Variants in RETREG3 observed in about 807,000 individuals in gnomAD.
RETREG3 encodes reticulophagy regulator family member 3.
A neutral mutation model predicts 50.2 loss-of-function variants in RETREG3; 23 were observed. The observed-to-expected ratio is 0.46, with a 90% confidence interval of 0.33 to 0.65. The LOEUF (loss-of-function observed/expected upper bound fraction) is 0.65, where lower values mean the gene tolerates loss of function less well. Ranked by LOEUF, RETREG3 falls within the 30% of genes least tolerant of loss-of-function variation. The pLI is 0.02. For synonymous variants in RETREG3, 240 were observed against 234.4 expected (o/e 1.02, Z -0.22); for missense variants, 546 against 598.0 (o/e 0.91, Z 0.91).
rs1360098488 is a variant in RETREG3 at position 42,580,541 on chromosome 17, G to A, written c.*1272C>T. 1 of 152,686 alleles carries A rather than the reference G, an allele frequency of 6.5e-6. No homozygotes were observed. Among genetic ancestry groups the A allele is most frequent in the Non-Finnish European group, 1.5e-5 (1 of 68,062 alleles). The allele number at this position is 152,686 out of a possible 1,614,324, so 9.5% of individuals were successfully genotyped here. ...GAAGACTCAGACCTCAAAATACAGA[G>A]GTGCTCACTAATCCTCCCAGCCAGC... On this transcript the variant is annotated 3_prime_UTR_variant, in exon 9 of 9. Coordinates refer to ENST00000309428, the MANE Select transcript of RETREG3 (RefSeq NM_178126.4).
rs771368806 is a variant in RETREG3 at position 42,609,175 on chromosome 17, C to T, written c.150G>A (p.Glu50=). ...RALVEVLGPY[E]PLLSRVQAAL... is the part of the protein sequence containing the mutation. ...CTGCCTGCACCCGACTCAGCAGAGG[C>T]TCGTAAGGCCCCAGCACCTCCACCA... Residue 50 remains glutamate (E), a synonymous_variant, in exon 1 of 9, where the codon GAG becomes GAA. Coordinates refer to ENST00000309428, the MANE Select transcript of RETREG3 (RefSeq NM_178126.4). 1.2e-6 allele frequency: 2 copies of T among 1,610,166 alleles called. No individual in the cohort carries two copies. The highest frequency in any genetic ancestry group is 1.7e-6 in the Non-Finnish European group (2 of 1,179,878).
chr17:42,607,605 G>T (rs1311232392), intron 1 of RETREG3, among the ~76,000 whole-genome samples: 1 of 151,010 alleles, frequency 6.6e-6, no homozygotes, highest in Non-Finnish European at 1.5e-5. Context: ...GGGAGTTCGA[G>T]ACCAGCCTGA....
At chr17:42,591,884 G>A (rs1420314638) in intron 2 of RETREG3, among the ~76,000 whole-genome samples, 172 bp downstream of exon 2, 1 of 152,184 alleles carries the variant, frequency 6.6e-6, no homozygotes, top group Non-Finnish European at 1.5e-5. Context: ...CCAGCTCTAA[G>A]GAACCATAAT....
intron 1 of RETREG3, among the ~76,000 whole-genome samples, chr17:42,606,289 G>A (rs1396826874): frequency 6.6e-6 from 1 of 152,136 alleles, no homozygotes; most frequent in Non-Finnish European, 1.5e-5. Flanking sequence ...AGTCACAGCA[G>A]CTCTTTATGT....
intron 1 of RETREG3, among the ~76,000 whole-genome samples, chr17:42,592,784 T>A (rs2093135748): frequency 6.6e-6 from 1 of 152,104 alleles, no homozygotes; most frequent in African/African-American, 2.4e-5. Flanking sequence ...AAACTCCGTA[T>A]CTACCAAAAA....
intron 1 of RETREG3, among the ~76,000 whole-genome samples, chr17:42,606,079 G>T (rs1193519367): frequency 6.6e-6 from 1 of 150,824 alleles, no homozygotes; most frequent in African/African-American, 2.4e-5. Flanking sequence ...TGTAACAAGA[G>T]TAACTGTGTT....
chr17:42,593,377 T>C (rs1284975311), intron 1 of RETREG3, among the ~76,000 whole-genome samples: 2 of 151,878 alleles, frequency 1.3e-5, no homozygotes, highest in African/African-American at 4.8e-5. Flanking sequence ...AGGCCAGGCG[T>C]GGTGGTTCAA....
intron 1 of RETREG3, among the ~76,000 whole-genome samples, chr17:42,597,849 C>G (rs955983550): frequency 6.6e-6 from 1 of 150,644 alleles, no homozygotes; most frequent in South Asian, 2.1e-4. Flanking sequence ...AGGCTGGTCT[C>G]GAATCCCTGA....
chr17:42,608,216 A>G (rs4793039), intron 1 of RETREG3, among the ~76,000 whole-genome samples: 35,810 of 152,112 alleles, frequency 0.24, 4,537 homozygotes, highest in Non-Finnish European at 0.28. Flanking sequence ...AACCTCCTCC[A>G]TTACAAATAA....
At chr17:42,608,911 A>C in intron 1 of RETREG3, 175 bp downstream of exon 1, 2 of 624,446 alleles carry the variant, frequency 3.2e-6, no homozygotes, top group East Asian at 2.8e-5. Context: ...GGCCCTGGGA[A>C]GAACTAGGGT....
At chr17:42,589,702 G>A (rs561012261) in intron 2 of RETREG3, among the ~76,000 whole-genome samples, 161 of 152,200 alleles carry the variant, frequency 1.1e-3, no homozygotes, top group Non-Finnish European at 1.6e-3. Context: ...CCAAAGTGCT[G>A]AGATCACAGG....
At chr17:42,597,523 GTA>G (rs200368557) in intron 1 of RETREG3, among the ~76,000 whole-genome samples, 34,781 of 115,598 alleles carry the variant, frequency 0.3, 6,066 homozygotes, top group East Asian at 0.46. Flanking sequence ...GTGTGTGTGT[GTA>G]TATATATATA....
At chr17:42,595,902 G>GA (rs113866021) in intron 1 of RETREG3, among the ~76,000 whole-genome samples, 53 of 137,800 alleles carry the variant, frequency 3.8e-4, no homozygotes, top group African/African-American at 4.0e-4. Flanking sequence ...CCCTGTCTAA[G>GA]AAAAAAAAAA....
chr17:42,592,940 T>A (rs1376010186), intron 1 of RETREG3, among the ~76,000 whole-genome samples: 2 of 152,072 alleles, frequency 1.3e-5, no homozygotes, highest in Non-Finnish European at 2.9e-5. Context: ...TGAGCCAAGA[T>A]CATGCCACTG....
In RETREG3 at chr17:42,581,965, C is replaced by G. The variant is rs780765803; in HGVS notation, c.1249G>C (p.Gly417Arg). The change falls in exon 9 of 9, where the codon GGC becomes CGC. Residue 417 changes from glycine (G) to arginine (R), a missense_variant. Physicochemically the swap from Gly to Arg is moderately radical, Grantham distance 125. Transcript: ENST00000309428. ...QLALSGASQPGPSGAPAQRAT... is the reference protein window; with the variant it reads ...QLALSGASQPRPSGAPAQRAT... ...CTCTGGGCAGGTGCTCCAGAAGGGC[C>G]TGGTTGGGAGGCCCCTGACAAGGCC... is the stretch of plus-strand genomic sequence containing the variant. 3 of 1,614,074 alleles carry G rather than the reference C, an allele frequency of 1.9e-6. No homozygotes were observed. The highest frequency in any genetic ancestry group is 2.5e-6 in the Non-Finnish European group (3 of 1,180,022).
intron 1 of RETREG3, among the ~76,000 whole-genome samples, chr17:42,596,325 C>T (rs2093144364): frequency 7.8e-6 from 1 of 127,886 alleles, no homozygotes; most frequent in Non-Finnish European, 1.5e-5. Flanking sequence ...TGCCACTGCA[C>T]TCCAGCCTGG....
intron 2 of RETREG3, among the ~76,000 whole-genome samples, chr17:42,589,283 C>T (rs1202651471): frequency 6.6e-6 from 1 of 152,130 alleles, no homozygotes; most frequent in Admixed American, 6.6e-5. Flanking sequence ...GCCAACACTT[C>T]AAAATTAACC....
chr17:42,598,892 A>G (rs1357322484), intron 1 of RETREG3: 1 of 152,204 alleles, frequency 6.6e-6, no homozygotes, highest in Non-Finnish European at 1.5e-5. Context: ...AAGCAATTTA[A>G]ATAGTCCAGG....
intron 1 of RETREG3, among the ~76,000 whole-genome samples, chr17:42,599,891 G>A (rs2093155331): frequency 6.6e-6 from 1 of 151,900 alleles, no homozygotes; most frequent in Non-Finnish European, 1.5e-5. Context: ...CTACTCAACA[G>A]GCTGAGGTGG....
Sources: gnomAD v4.1 joint callset for allele counts (sites outside exome capture counted in the v4.1 genomes callset) on GRCh38, gnomAD v4.1.1 for gene constraint, MANE v1.5 for transcripts, NCBI Gene and HGNC (gene_info 2026-07-23, HGNC 2026-07-21) for gene names.